Variants in SLC38A9 observed in about 807,000 individuals in gnomAD.
The protein encoded by SLC38A9 is solute carrier family 38 member 9.
Under a neutral mutation model 62.3 loss-of-function variants are expected in SLC38A9, and 48 were observed. That is an observed-to-expected ratio of 0.77 (90% CI 0.61 to 0.98). SLC38A9 has a LOEUF of 0.98. Ranked by LOEUF, SLC38A9 falls within the 50% of genes least tolerant of loss-of-function variation. The pLI is 0.00. For synonymous variants in SLC38A9, 204 were observed against 227.7 expected, an observed-to-expected ratio of 0.90 and a Z score of 0.94; for missense variants, 541 against 679.8, an observed-to-expected ratio of 0.80 and a Z score of 2.27.
rs1371252740 is a variant in SLC38A9 at position 55,651,246 on chromosome 5, A to ATTTTTTTTTT, written c.952+1282_952+1283insAAAAAAAAAA. Among the ~76,000 whole-genome samples the ATTTTTTTTTT allele has an allele frequency of 2.3e-4, 26 of 114,100 alleles. 3 individuals carry two copies. Among genetic ancestry groups the ATTTTTTTTTT allele is most frequent in the South Asian group, 5.6e-4 (2 of 3,562 alleles). The allele number at this position is 114,100 out of a possible 152,430, so 74.9% of individuals were successfully genotyped here. A position where few individuals can be genotyped will look rare whatever the true frequency, so the allele number is the denominator to read the frequency against. On this transcript the variant is annotated intron_variant, in intron 10 of 15. Transcript: ENST00000396865. ...TTTCACTGGGGGGGTTCCTTTTGCC[A>ATTTTTTTTTT]TCTTTTTTTTTTTTTTTTTTTTAAG...
intron 9 of SLC38A9, among the ~76,000 whole-genome samples, chr5:55,653,221 C>T (rs959936946): frequency 1.3e-5 from 2 of 152,176 alleles, no homozygotes; most frequent in East Asian, 3.9e-4. Context: ...CCCACCTTGG[C>T]TTCTCAAAGT....
chr5:55,664,031 C>T (rs79562634), intron 8 of SLC38A9, among the ~76,000 whole-genome samples: 2,672 of 151,844 alleles, frequency 0.018, 27 homozygotes, highest in Middle Eastern at 0.044. Context: ...ACTTCCAGCT[C>T]GGTACAGTGG....
chr5:55,666,260 C>G (rs1750450195), intron 7 of SLC38A9, among the ~76,000 whole-genome samples: 1 of 152,086 alleles, frequency 6.6e-6, no homozygotes. Context: ...AAACCATTTG[C>G]TTTTCCATGA....
At position 55,655,105 on chromosome 5, in the gene SLC38A9, G is replaced by C. The variant is rs180774847; in HGVS notation, c.757+1610C>G. 4.1e-3 allele frequency among the ~76,000 whole-genome samples: 628 copies of C among 152,254 alleles called. 22 individuals carry two copies. Among genetic ancestry groups the C allele is most frequent in the Admixed American group, 0.037 (572 of 15,278 alleles). On this transcript the variant is annotated intron_variant, in intron 9 of 15. Coordinates refer to ENST00000396865, the MANE Select transcript of SLC38A9 (RefSeq NM_173514.4). ...TCCTCCTGCCTCGGCCTCCCAAAGT[G>C]TTAGAATCAAAAGCGTGAGCCACCA...
intron 5 of SLC38A9, 67 bp from the exon 6 acceptor site, chr5:55,669,687 A>C (rs1413674097): frequency 4.4e-6 from 7 of 1,583,986 alleles, no homozygotes; most frequent in Non-Finnish European, 2.6e-6. Flanking sequence ...AATTGAGACA[A>C]AAATTTAAAA....
intron 4 of SLC38A9, 22 bp from the exon 5 acceptor site, chr5:55,669,901 T>C (rs1206468964): frequency 1.3e-6 from 2 of 1,571,786 alleles, no homozygotes; most frequent in African/African-American, 1.4e-5. Context: ...GAAACATAGA[T>C]AAATTTCAGA....
Position 55,643,463 on chromosome 5 carries a change from T to C in SLC38A9, c.1167+2326A>G, listed in dbSNP as rs143493225. On this transcript the variant is annotated intron_variant, in intron 12 of 15. Transcript: ENST00000396865. ...TTTATGACCCAGCATATGGTCTATCTTGGAAAATGTTCTTATGTATTTAAG... is the reference window on the plus strand; with the variant it reads ...TTTATGACCCAGCATATGGTCTATCCTGGAAAATGTTCTTATGTATTTAAG... Among the ~76,000 whole-genome samples the C allele has an allele frequency of 3.3e-5, 5 of 152,340 alleles. No individual in the cohort carries two copies. In the East Asian group the frequency reaches 9.6e-4, roughly 29 times the overall value.
intron 12 of SLC38A9, among the ~76,000 whole-genome samples, chr5:55,636,971 AC>A (rs1744503799): frequency 6.6e-6 from 1 of 152,112 alleles, no homozygotes; most frequent in South Asian, 2.1e-4. Flanking sequence ...GAGTTCAGTC[AC>A]CCCTAGGGTT....
At chr5:55,667,883 A>G (rs1211462898) in intron 7 of SLC38A9, among the ~76,000 whole-genome samples, 1 of 152,214 alleles carries the variant, frequency 6.6e-6, no homozygotes, top group African/African-American at 2.4e-5. Context: ...GAGTAGTTTA[A>G]TAACATGGAA....
In SLC38A9 at chr5:55,627,914, G is replaced by A; in HGVS notation, c.1497C>T (p.Tyr499=). The change falls in exon 15 of 16, where the codon TAC becomes TAT. Residue 499 remains tyrosine, a synonymous_variant. Coordinates refer to ENST00000396865, the MANE Select transcript of SLC38A9 (RefSeq NM_173514.4). ...VGAGVIMACF[Y]PNIGGIIRYS... is the part of the protein sequence containing the mutation. ...ACCTTATGATCCCTCCTATGTTTGGGTAGAAACAGGCCATGATCACTCCAG... is the reference window on the plus strand; with the variant it reads ...ACCTTATGATCCCTCCTATGTTTGGATAGAAACAGGCCATGATCACTCCAG... 1 of 1,611,254 alleles carries A rather than the reference G, an allele frequency of 6.2e-7. No individual in the cohort carries two copies. The highest frequency in any genetic ancestry group is 1.1e-5 in the South Asian group (1 of 90,856).
chr5:55,698,070 C>G, intron 2 of SLC38A9, 78 bp from the exon 3 acceptor site: 1 of 578,270 alleles, frequency 1.7e-6, no homozygotes. Context: ...TCATGAATAA[C>G]AAATTGGAAA....
intron 3 of SLC38A9, among the ~76,000 whole-genome samples, chr5:55,684,270 A>G (rs1753437529): frequency 6.6e-6 from 1 of 152,308 alleles, no homozygotes; most frequent in Non-Finnish European, 1.5e-5. Flanking sequence ...ATTTCCAATC[A>G]TCTTGTCCTG....
At chr5:55,677,956 G>GTGTGTGTGTGTGTGTT (rs1158459754) in intron 3 of SLC38A9, among the ~76,000 whole-genome samples, 1 of 149,630 alleles carries the variant, frequency 6.7e-6, no homozygotes, top group Non-Finnish European at 1.5e-5. Context: ...GTGTGTGTGT[G>GTGTGTGTGTGTGTGTT]TGTGTGTAGT....
At chr5:55,632,160 G>A (rs1395361169) in intron 14 of SLC38A9, among the ~76,000 whole-genome samples, 1 of 152,092 alleles carries the variant, frequency 6.6e-6, no homozygotes, top group Non-Finnish European at 1.5e-5. Flanking sequence ...AATGTAGGCC[G>A]GGTGCAGTGG....
At chr5:55,674,760 G>A (rs1191143882) in intron 3 of SLC38A9, among the ~76,000 whole-genome samples, 1 of 152,182 alleles carries the variant, frequency 6.6e-6, no homozygotes, top group Non-Finnish European at 1.5e-5. Flanking sequence ...TAATAAAAAT[G>A]AATGGATCAG....
rs764966581 is a variant in SLC38A9, at chr5:55,697,830, T to A, written c.113+16A>T. On this transcript the variant is annotated intron_variant, in intron 3 of 15. Transcript: ENST00000396865. ...AAGACCCTAATTATGAAATGTGTTT[T>A]ATTTTAAATGCTTACCTTTTGGATC... The A allele has an allele frequency of 9.4e-6, 13 of 1,383,084 alleles. No homozygotes were observed. The highest frequency in any genetic ancestry group is 1.5e-5 in the African/African-American group (1 of 68,924). The allele number at this position is 1,383,084 out of a possible 1,614,324, so 85.7% of individuals were successfully genotyped here. A position where few individuals can be genotyped will look rare whatever the true frequency, so the allele number is the denominator to read the frequency against.
intron 12 of SLC38A9, among the ~76,000 whole-genome samples, chr5:55,638,071 GAAAAGTTT>G (rs1281354369): frequency 6.6e-6 from 1 of 152,110 alleles, no homozygotes; most frequent in Non-Finnish European, 1.5e-5. Context: ...ACTAAAATCA[GAAAAGTTT>G]TATTTCACAG....
chr5:55,680,884 C>T (rs758607804), intron 3 of SLC38A9, among the ~76,000 whole-genome samples: 34 of 152,364 alleles, frequency 2.2e-4, no homozygotes, highest in Non-Finnish European at 4.7e-4. Flanking sequence ...TATTGCTAGT[C>T]GCATTCTGCA....
rs540223014 is a variant in SLC38A9, at chr5:55,638,959, G to A, written c.1168-3302C>T. Among the ~76,000 whole-genome samples the A allele has an allele frequency of 3.9e-5, 6 of 152,260 alleles. No homozygotes were observed. In the South Asian group the frequency reaches 1.2e-3, roughly 32 times the overall value. ...AGGGTTATAGGGACTACATATTCTG[G>A]TGATAAACTAGTTGGATGGTCTTCA... is the stretch of plus-strand genomic sequence containing the variant. On this transcript the variant is annotated intron_variant, in intron 12 of 15. Coordinates refer to ENST00000396865, the MANE Select transcript of SLC38A9 (RefSeq NM_173514.4).
Sources: allele counts gnomAD v4.1 joint callset (sites outside exome capture counted in the v4.1 genomes callset), GRCh38; gene constraint gnomAD v4.1.1; transcripts MANE v1.5; gene names NCBI Gene and HGNC (gene_info 2026-07-23, HGNC 2026-07-21).